HPSE2: variants seen among roughly 807,000 people sequenced by gnomAD.
The protein encoded by HPSE2 is inactive heparanase-2.
HPSE2 carries 38 observed loss-of-function variants against 60.5 expected under a neutral mutation model. That is an observed-to-expected ratio of 0.63 (90% CI 0.48 to 0.82). The LOEUF is 0.82. HPSE2 is among the 40% of genes least tolerant of loss of function. The pLI is 0.00. For missense variants in HPSE2, 713 were observed against 740.4 expected (o/e 0.96, Z 0.43); for synonymous variants, 295 against 293.2 (o/e 1.01, Z -0.06).
intron 3 of HPSE2, among the ~76,000 whole-genome samples, chr10:99,132,191 A>AGAG (rs1845434112): frequency 1.4e-5 from 1 of 71,902 alleles, no homozygotes; most frequent in Admixed American, 1.8e-4. Context: ...GAAAGAAAGA[A>AGAG]AGAGAGAGAG....
rs1314277459 is a variant in HPSE2 at position 98,544,606 on chromosome 10, G to A, written c.1321-54410C>T. 6.7e-5 allele frequency among the ~76,000 whole-genome samples: 10 copies of A among 150,302 alleles called. No homozygotes were observed. In the East Asian group the frequency reaches 9.9e-4, roughly 15 times the overall value. On this transcript the variant is annotated intron_variant, in intron 9 of 11. Transcript: ENST00000370552. ...CGGGCGCCTGTAGTCCCAGCTACGC[G>A]GGAGGCTGAGGCAGGAGAATGGCGT...
chr10:98,667,234 G>A (rs1458324564), intron 6 of HPSE2, among the ~76,000 whole-genome samples: 1 of 152,070 alleles, frequency 6.6e-6, no homozygotes, highest in Non-Finnish European at 1.5e-5. Flanking sequence ...CAGGAGGAAA[G>A]TGAAAGCCTG....
intron 6 of HPSE2, among the ~76,000 whole-genome samples, chr10:98,655,904 A>G (rs1370091302): frequency 6.6e-6 from 1 of 152,202 alleles, no homozygotes; most frequent in Non-Finnish European, 1.5e-5. Context: ...CCTCTTTGAC[A>G]CAGTGAAATG....
chr10:99,205,896 T>G lies in HPSE2; in HGVS notation c.448+26452A>C, dbSNP rs190067168. 1.1e-4 allele frequency among the ~76,000 whole-genome samples: 16 copies of G among 152,324 alleles called. No individual in the cohort carries two copies. The East Asian group carries it at 2.7e-3, about 26-fold the overall frequency. ...ATTTGTCTCTCCAATAAACTACATATGGCAGTAAAAAGTGATCTCTTATGG... is the reference window on the plus strand; with the variant it reads ...ATTTGTCTCTCCAATAAACTACATAGGGCAGTAAAAAGTGATCTCTTATGG... On this transcript the variant is annotated intron_variant, in intron 2 of 11. Coordinates refer to ENST00000370552, the MANE Select transcript of HPSE2 (RefSeq NM_021828.5).
At chr10:99,146,447 A>G (rs1372288865) in intron 2 of HPSE2, among the ~76,000 whole-genome samples, 1 of 152,204 alleles carries the variant, frequency 6.6e-6, no homozygotes, top group Non-Finnish European at 1.5e-5. Flanking sequence ...TAAAAGAGAG[A>G]GCCTCACTAA....
intron 2 of HPSE2, among the ~76,000 whole-genome samples, chr10:99,199,195 A>G (rs948472508): frequency 3.3e-5 from 5 of 152,110 alleles, no homozygotes; most frequent in African/African-American, 1.2e-4. Flanking sequence ...TTCTCTTGGA[A>G]TGAGAGGATT....
chr10:99,305,839 T>C, the HPSE2 span, among the ~76,000 whole-genome samples: 9 of 152,206 alleles, frequency 5.9e-5, no homozygotes, highest in East Asian at 1.4e-3. Context: ...ATGGACATTC[T>C]GACTCAAACT....
intron 3 of HPSE2, among the ~76,000 whole-genome samples, chr10:98,899,839 A>G (rs1480505338): frequency 1.4e-5 from 2 of 145,266 alleles, no homozygotes; most frequent in East Asian, 2.1e-4. Flanking sequence ...GCCGGAGTGC[A>G]GTGGCGCGAT....
chr10:98,746,289 T>C (rs986836150), intron 3 of HPSE2, among the ~76,000 whole-genome samples: 1 of 140,854 alleles, frequency 7.1e-6, no homozygotes, highest in Non-Finnish European at 1.6e-5. Context: ...AACCAGTATA[T>C]AATAATTTTA....
chr10:99,101,330 G>T (rs1256586254), intron 3 of HPSE2, among the ~76,000 whole-genome samples: 2 of 152,132 alleles, frequency 1.3e-5, no homozygotes, highest in Admixed American at 1.3e-4. Context: ...AAAGGCAGGG[G>T]TTGCAATCCT....
chr10:98,867,568 C>T (rs1168628630), intron 3 of HPSE2, among the ~76,000 whole-genome samples: 2 of 152,294 alleles, frequency 1.3e-5, no homozygotes, highest in East Asian at 1.9e-4. Flanking sequence ...AGTACAACCA[C>T]TGCAGAGAAC....
intron 3 of HPSE2, among the ~76,000 whole-genome samples, chr10:98,917,438 T>G (rs1590072765): frequency 6.6e-6 from 1 of 151,956 alleles, no homozygotes; most frequent in East Asian, 1.9e-4. Context: ...ATCACGTGAG[T>G]GGGTGGAAAT....
At chr10:98,703,165 C>T (rs7097207) in intron 5 of HPSE2, among the ~76,000 whole-genome samples, 29 of 152,140 alleles carry the variant, frequency 1.9e-4, no homozygotes, top group African/African-American at 5.8e-4. Flanking sequence ...CACCTCTACA[C>T]AAACAAACTT....
At chr10:98,882,269 A>G (rs539508701) in intron 3 of HPSE2, among the ~76,000 whole-genome samples, 58 of 152,230 alleles carry the variant, frequency 3.8e-4, no homozygotes, top group Non-Finnish European at 6.2e-4. Flanking sequence ...CAAGGGAGCT[A>G]GGAATAAATG....
intron 9 of HPSE2, among the ~76,000 whole-genome samples, chr10:98,531,550 A>C (rs1311982903): frequency 6.6e-6 from 1 of 152,134 alleles, no homozygotes; most frequent in Non-Finnish European, 1.5e-5. Flanking sequence ...TAATGGGGAG[A>C]ACTCATGACG....
chr10:98,476,231 C>T (rs1451955297), intron 11 of HPSE2, among the ~76,000 whole-genome samples: 9 of 147,100 alleles, frequency 6.1e-5, no homozygotes, highest in African/African-American at 2.3e-4. Flanking sequence ...GGACAAAAAA[C>T]CAAACACTGC....
chr10:98,678,931 A>AAAAC (rs1041212571), intron 6 of HPSE2, among the ~76,000 whole-genome samples: 1 of 152,134 alleles, frequency 6.6e-6, no homozygotes, highest in Non-Finnish European at 1.5e-5. Flanking sequence ...TAACAGAACC[A>AAAAC]AAACAAACAA....
At chr10:98,991,966 T>C (rs1412301841) in intron 3 of HPSE2, among the ~76,000 whole-genome samples, 1 of 152,200 alleles carries the variant, frequency 6.6e-6, no homozygotes, top group Non-Finnish European at 1.5e-5. Flanking sequence ...ATTTTCATTT[T>C]ATCAGTTCCA....
chr10:98,635,496 C>T (rs535168792), intron 7 of HPSE2, among the ~76,000 whole-genome samples: 10 of 152,216 alleles, frequency 6.6e-5, no homozygotes, highest in African/African-American at 1.7e-4. Context: ...AACAGATGAA[C>T]GGAGCCAGGT....
Sources: gnomAD v4.1 joint callset for allele counts (sites outside exome capture counted in the v4.1 genomes callset) on GRCh38, gnomAD v4.1.1 for gene constraint, MANE v1.5 for transcripts, NCBI Gene and HGNC (gene_info 2026-07-23, HGNC 2026-07-21) for gene names.